Variants in SF3A3 observed in about 807,000 individuals in gnomAD.
The protein encoded by SF3A3 is SAP 61.
Under a neutral mutation model 85.8 loss-of-function variants are expected in SF3A3, and 9 were observed. That is an observed-to-expected ratio of 0.10 (90% CI 0.06 to 0.18). The LOEUF (loss-of-function observed/expected upper bound fraction) is 0.18. Among genes scored for constraint, SF3A3 ranks in the 10% least tolerant of loss-of-function variants. SF3A3 has a pLI of 1.00. For synonymous variants in SF3A3, 195 were observed against 204.4 expected (o/e 0.95, Z 0.39); for missense variants, 306 against 593.3 (o/e 0.52, Z 5.03).
At chr1:37,967,676 AC>A (rs1646311938) in intron 15 of SF3A3, among the ~76,000 whole-genome samples, 1 of 50,494 alleles carries the variant, frequency 2.0e-5, no homozygotes. Context: ...AGACTCCGTC[AC>A]AAAAAAAAAA....
chr1:37,963,872 TAAAA>T (rs771447218), intron 15 of SF3A3, among the ~76,000 whole-genome samples: 3 of 81,832 alleles, frequency 3.7e-5, no homozygotes, highest in African/African-American at 1.1e-4. Context: ...ATGATATTCT[TAAAA>T]AAAAAAAAAA....
At chr1:37,969,054 A>G (rs1646321228) in intron 14 of SF3A3, among the ~76,000 whole-genome samples, 1 of 152,232 alleles carries the variant, frequency 6.6e-6, no homozygotes, top group South Asian at 2.1e-4. Flanking sequence ...CCAAGAAGTC[A>G]GAAATTGGTC....
intron 12 of SF3A3, among the ~76,000 whole-genome samples, chr1:37,972,165 G>A (rs1333610513): frequency 1.3e-5 from 2 of 152,100 alleles, no homozygotes; most frequent in African/African-American, 4.8e-5. Context: ...AAAGTCTCAG[G>A]ATACAAAATC....
rs746863308 is a variant in SF3A3, at chr1:37,989,985, C to G, written c.-20G>C. On this transcript the variant is annotated 5_prime_UTR_variant, in exon 1 of 17. Coordinates refer to ENST00000373019, the MANE Select transcript of SF3A3 (RefSeq NM_006802.4). ...CTCCATCTTCCCTTAGTCGCGGCTTCTCAATTCAGACCACCAACACGGCCG... is the reference window on the plus strand; with the variant it reads ...CTCCATCTTCCCTTAGTCGCGGCTTGTCAATTCAGACCACCAACACGGCCG... The G allele has an allele frequency of 9.5e-6, 15 of 1,584,736 alleles. No individual in the cohort carries two copies. The South Asian group carries it at 1.7e-4, about 17-fold the overall frequency.
chr1:37,980,480 A>T, intron 8 of SF3A3, 106 bp downstream of exon 8: 1 of 1,205,962 alleles, frequency 8.3e-7, no homozygotes, highest in South Asian at 1.6e-5. Flanking sequence ...CACAAGTGAT[A>T]CCAAGGAATT....
chr1:37,963,866 T>A (rs1646279536), intron 15 of SF3A3, among the ~76,000 whole-genome samples: 1 of 92,150 alleles, frequency 1.1e-5, no homozygotes, highest in African/African-American at 4.4e-5. Context: ...CTGCCAATGA[T>A]ATTCTTAAAA....
chr1:37,974,746 C>G (rs1434492262), intron 12 of SF3A3, among the ~76,000 whole-genome samples: 1 of 152,200 alleles, frequency 6.6e-6, no homozygotes, highest in Non-Finnish European at 1.5e-5. Context: ...CTTCCTACTG[C>G]TTATAAGGCA....
rs778026015 is a variant in SF3A3, at chr1:37,987,761, G to C, written c.197+23C>G. On this transcript the variant is annotated intron_variant, in intron 3 of 16. Transcript: ENST00000373019. ...GGCTCCTCAGAAGCACTAACTCCTG[G>C]ATTAGCTGTGACTGTCACTTACCCA... 1.6e-5 allele frequency: 26 copies of C among 1,609,556 alleles called. No homozygotes were observed. The South Asian group carries it at 2.7e-4, about 17-fold the overall frequency.
intron 16 of SF3A3, among the ~76,000 whole-genome samples, chr1:37,959,063 C>T (rs1646238736): frequency 6.6e-6 from 1 of 151,774 alleles, no homozygotes; most frequent in Non-Finnish European, 1.5e-5. Flanking sequence ...TCCCACTTGC[C>T]ATTTCAACTT....
intron 16 of SF3A3, among the ~76,000 whole-genome samples, 156 bp downstream of exon 16, chr1:37,959,957 CAAAAAAA>C (rs34993722): frequency 2.1e-5 from 2 of 97,338 alleles, no homozygotes; most frequent in Non-Finnish European, 4.1e-5. Flanking sequence ...GACTCCGTGT[CAAAAAAA>C]AAAAAAAAAA....
Position 37,976,929 on chromosome 1 carries a change from A to C in SF3A3, c.960T>G (p.Ile320Met). 2.5e-6 allele frequency: 4 copies of C among 1,609,958 alleles called. No individual in the cohort carries two copies. Among genetic ancestry groups the C allele is most frequent in the Non-Finnish European group, 3.4e-6 (4 of 1,176,278 alleles). Reference protein sequence around the residue: ...TKRDTERNKDIAFLEAQIYEY... With the variant: ...TKRDTERNKDMAFLEAQIYEY... ...CATAGATCTGGGCTTCTAGAAAAGC[A>C]ATGTCTTTGTTCCTTTCAGTGTCTC... The change falls in exon 12 of 17, where the codon ATT becomes ATG. Residue 320 changes from isoleucine to methionine, a missense_variant. By Grantham distance (10) the Ile-to-Met change is conservative. Around this residue, in one of 4 missense-constraint regions of SF3A3, gnomAD observed 136 missense variants for 296.6 expected, o/e 0.46. Transcript: ENST00000373019.
intron 16 of SF3A3, among the ~76,000 whole-genome samples, chr1:37,959,468 G>T (rs1276513573): frequency 6.6e-6 from 1 of 152,038 alleles, no homozygotes; most frequent in Non-Finnish European, 1.5e-5. Context: ...GGAGTGCAGT[G>T]GTATGATCAT....
chr1:37,966,374 G>A (rs952076395), intron 15 of SF3A3, among the ~76,000 whole-genome samples: 2 of 152,094 alleles, frequency 1.3e-5, no homozygotes, highest in Non-Finnish European at 2.9e-5. Flanking sequence ...CATGCACTCC[G>A]CTTCACTTTC....
At position 37,957,038 on chromosome 1, in the gene SF3A3, G is replaced by A. The variant is rs576048960; in HGVS notation, c.*1148C>T. Reference sequence around the variant, plus strand: ...GTCTGAGTGTTGAGAGGCAAATGGGGTCTCTGGGGGATCCTGTCCTGCAGC... The same window carrying A: ...GTCTGAGTGTTGAGAGGCAAATGGGATCTCTGGGGGATCCTGTCCTGCAGC... On this transcript the variant is annotated 3_prime_UTR_variant, in exon 17 of 17. Coordinates refer to ENST00000373019, the MANE Select transcript of SF3A3 (RefSeq NM_006802.4). 1 of 152,266 alleles carries A rather than the reference G, an allele frequency of 6.6e-6. No homozygotes were observed. The highest frequency in any genetic ancestry group is 1.9e-4 in the East Asian group (1 of 5,186). 9.4% of individuals were successfully genotyped at this position (152,266 alleles called of 1,614,324 possible).
chr1:37,968,383 T>C (rs1379295955), intron 14 of SF3A3, among the ~76,000 whole-genome samples: 25 of 152,198 alleles, frequency 1.6e-4, no homozygotes, highest in East Asian at 1.9e-4. Context: ...CCAGTAGTCT[T>C]ATACATAAAA....
chr1:37,968,010 C>T (rs577584639), intron 15 of SF3A3, 34 bp downstream of exon 15: 4 of 1,357,758 alleles, frequency 2.9e-6, no homozygotes, highest in South Asian at 2.3e-5. Flanking sequence ...GCCATTTGTA[C>T]TCGCCTAGGA....
At chr1:37,989,811 G>A (rs1191615878) in intron 1 of SF3A3, 59 bp downstream of exon 1, 3 of 1,419,174 alleles carry the variant, frequency 2.1e-6, no homozygotes, top group East Asian at 2.3e-5. Context: ...GCTCTCAGAG[G>A]TCAAACACGG....
At chr1:37,973,791 T>C (rs1032129333) in intron 12 of SF3A3, among the ~76,000 whole-genome samples, 6 of 152,166 alleles carry the variant, frequency 3.9e-5, no homozygotes, top group East Asian at 3.8e-4. Context: ...CTTACGTTTA[T>C]TGCAGCACTA....
Position 37,977,177 on chromosome 1 carries a change from T to C in SF3A3, c.936-224A>G, listed in dbSNP as rs780886026. On this transcript the variant is annotated intron_variant, in intron 11 of 16. Transcript: ENST00000373019. ...TTCCTCTATGACCTCACTTAGAAGA[T>C]GAAGGACACATCAAGACCGCTTACA... Among the ~76,000 whole-genome samples, 86 of 152,310 alleles carry C rather than the reference T, an allele frequency of 5.6e-4. No individual in the cohort carries two copies. In the Middle Eastern group the frequency reaches 0.01, roughly 18 times the overall value.
Sources: gnomAD v4.1 joint callset for allele counts (sites outside exome capture counted in the v4.1 genomes callset) on GRCh38, gnomAD v4.1.1 for gene constraint, gnomAD v4.1.1 regional missense constraint, MANE v1.5 for transcripts, NCBI Gene and HGNC (gene_info 2026-07-23, HGNC 2026-07-21) for gene names.